PCDHA1: variants seen among roughly 807,000 people sequenced by gnomAD.
The protein encoded by PCDHA1 is protocadherin alpha-1.
A neutral mutation model predicts 61.3 loss-of-function variants in PCDHA1; 42 were observed. The observed-to-expected ratio is 0.69, with a 90% CI of 0.54 to 0.89. PCDHA1 has a LOEUF of 0.89. PCDHA1 is among the 40% of genes least tolerant of loss of function. PCDHA1 has a pLI of 0.00. For synonymous variants in PCDHA1, 610 were observed against 553.8 expected, an observed-to-expected ratio of 1.10 and a Z score of -1.43; for missense variants, 1,256 against 1,235.3, an observed-to-expected ratio of 1.02 and a Z score of -0.25.
chr5:140,850,326 C>A (rs2150479866), intron 1 of PCDHA1: 3 of 1,597,642 alleles, frequency 1.9e-6, no homozygotes, highest in East Asian at 2.2e-5. Flanking sequence ...TTCATACGAG[C>A]TGCAGCCAGA....
At chr5:140,846,180 G>A (rs1196711565) in intron 1 of PCDHA1, among the ~76,000 whole-genome samples, 4 of 149,348 alleles carry the variant, frequency 2.7e-5, no homozygotes, top group East Asian at 1.9e-4. Context: ...CTGAGTAGGC[G>A]TTTGAGTTCT....
At chr5:140,881,376 C>G in intron 1 of PCDHA1, 5 of 984,754 alleles carry the variant, frequency 5.1e-6, no homozygotes, top group Non-Finnish European at 6.0e-6. Context: ...GAATTGCAGC[C>G]GGCGGCGGTA....
chr5:140,932,750 GGAAA>G (rs1554209054), intron 1 of PCDHA1, among the ~76,000 whole-genome samples: 1 of 151,518 alleles, frequency 6.6e-6, no homozygotes, highest in Non-Finnish European at 1.5e-5. Flanking sequence ...TCAGTAAAAA[GGAAA>G]GAAAAAGAAC....
intron 1 of PCDHA1, chr5:140,860,372 C>A (rs1315450697): frequency 1.3e-5 from 2 of 151,984 alleles, no homozygotes; most frequent in Non-Finnish European, 2.9e-5. Flanking sequence ...CAAAGTGAGA[C>A]CCTATTTCAA....
Position 140,786,614 on chromosome 5 carries a change from GAT to G in PCDHA1, c.325_326del (p.Ile109ArgfsTer18). 6.2e-7 allele frequency: 1 copy of G among 1,614,284 alleles called. No individual in the cohort carries two copies. ...SAECSIHLEL[I>X]ADRPLQVFHV... ...CGGAGTGCAGCATCCACCTGGAGTT[GAT>G]CGCCGACAGGCCGCTGCAGGTTTTC... On this transcript the variant is annotated frameshift_variant, in exon 1 of 4. Coordinates refer to ENST00000504120, the MANE Select transcript of PCDHA1 (RefSeq NM_018900.4). LOFTEE classifies it high-confidence loss of function.
At chr5:140,875,934 A>T (rs782270710) in intron 1 of PCDHA1, 1 of 1,614,178 alleles carries the variant, frequency 6.2e-7, no homozygotes, top group Admixed American at 1.7e-5. Context: ...ATTTTCCTCT[A>T]GAGGGCGCTT....
At chr5:140,869,313 A>G in intron 1 of PCDHA1, 1 of 1,613,732 alleles carries the variant, frequency 6.2e-7, no homozygotes, top group Non-Finnish European at 8.5e-7. Context: ...CGTCCAAAAC[A>G]CATGGGGACC....
At chr5:140,877,065 G>A (rs782807909) in intron 1 of PCDHA1, 7 of 1,613,044 alleles carry the variant, frequency 4.3e-6, no homozygotes, top group Non-Finnish European at 5.9e-6. Flanking sequence ...TGGAGCTGCT[G>A]CAGTTCCAGG....
At chr5:140,805,712 A>T in intron 1 of PCDHA1, 1 of 609,252 alleles carries the variant, frequency 1.6e-6, no homozygotes, top group Non-Finnish European at 2.1e-6. Flanking sequence ...TAGAATAAAA[A>T]TTAAGCTAAA....
intron 3 of PCDHA1, among the ~76,000 whole-genome samples, chr5:141,001,134 T>A (rs370176335): frequency 4.7e-4 from 72 of 152,158 alleles, no homozygotes; most frequent in African/African-American, 1.7e-3. Context: ...AACAAATGAA[T>A]CTTCTGTTGC....
chr5:140,804,861 A>T (rs1334289265), intron 1 of PCDHA1: 2 of 545,844 alleles, frequency 3.7e-6, no homozygotes, highest in Admixed American at 7.6e-5. Context: ...TAACACGTAA[A>T]ATAGATATTT....
chr5:140,887,183 A>G (rs1211270850), intron 1 of PCDHA1, among the ~76,000 whole-genome samples: 2 of 147,766 alleles, frequency 1.4e-5, no homozygotes, highest in African/African-American at 5.0e-5. Flanking sequence ...TGCAAGCTCC[A>G]CCTCCCGGGT....
chr5:140,894,997 T>G (rs566489828), intron 1 of PCDHA1, among the ~76,000 whole-genome samples: 15 of 152,296 alleles, frequency 9.8e-5, no homozygotes, highest in African/African-American at 3.6e-4. Flanking sequence ...TCCTTTACCC[T>G]TTTTACTTGG....
chr5:140,923,774 G>T (rs1447078559), intron 1 of PCDHA1, among the ~76,000 whole-genome samples: 1 of 152,202 alleles, frequency 6.6e-6, no homozygotes, highest in Non-Finnish European at 1.5e-5. Flanking sequence ...CTACTGGGTG[G>T]ATGGTTTCTT....
At chr5:140,804,916 C>CT in intron 1 of PCDHA1, 2 of 946,482 alleles carry the variant, frequency 2.1e-6, no homozygotes, top group Non-Finnish European at 2.9e-6. Flanking sequence ...TCTTTATTTC[C>CT]TTTTTTGGCA....
At chr5:140,956,020 T>C (rs2095249402) in intron 1 of PCDHA1, among the ~76,000 whole-genome samples, 1 of 152,240 alleles carries the variant, frequency 6.6e-6, no homozygotes, top group Non-Finnish European at 1.5e-5. Context: ...TTTGCTGAAG[T>C]TGCTTATCAG....
Position 140,868,882 on chromosome 5 carries a change from T to A in PCDHA1, c.2394+80198T>A. On this transcript the variant is annotated intron_variant, in intron 1 of 3. Transcript: ENST00000504120. Reference sequence around the variant, plus strand: ...TAAATGCAGTGCACAGTACTCACAGTTTTAGGCGCAAGGTGTCGCTCTTTA... The same window carrying A: ...TAAATGCAGTGCACAGTACTCACAGATTTAGGCGCAAGGTGTCGCTCTTTA... 4 of 715,192 alleles carry A rather than the reference T, an allele frequency of 5.6e-6. No homozygotes were observed. In the South Asian group the frequency reaches 8.5e-5, roughly 15 times the overall value. 44.3% of individuals were successfully genotyped at this position (715,192 alleles called of 1,614,324 possible).
chr5:140,797,855 TG>T (rs1459848199), intron 1 of PCDHA1, among the ~76,000 whole-genome samples: 8 of 151,504 alleles, frequency 5.3e-5, no homozygotes, highest in African/African-American at 2.0e-4. Context: ...ATTTTTTTTT[TG>T]TTTGTTTGTT....
Position 140,786,201 on chromosome 5 carries a change from C to A in PCDHA1, c.-90C>A, listed in dbSNP as rs1554117300. On this transcript the variant is annotated 5_prime_UTR_variant, in exon 1 of 4. Coordinates refer to ENST00000504120, the MANE Select transcript of PCDHA1 (RefSeq NM_018900.4). Reference sequence around the variant, plus strand: ...GTCACCGCCTGAGAGAAGACAGAAACGGTAAAGAGATAAATGATTGGAAAT... The same window carrying A: ...GTCACCGCCTGAGAGAAGACAGAAAAGGTAAAGAGATAAATGATTGGAAAT... The A allele has an allele frequency of 1.4e-6, 2 of 1,472,854 alleles. No homozygotes were observed. The highest frequency in any genetic ancestry group is 1.4e-5 in the South Asian group (1 of 72,264). 91.2% of individuals were successfully genotyped at this position (1,472,854 alleles called of 1,614,324 possible).
Sources: allele counts gnomAD v4.1 joint callset (sites outside exome capture counted in the v4.1 genomes callset), GRCh38; gene constraint gnomAD v4.1.1; transcripts MANE v1.5; gene names NCBI Gene and HGNC (gene_info 2026-07-23, HGNC 2026-07-21).